Variants in METTL25 observed in about 807,000 individuals in gnomAD.
METTL25 encodes the protein probable methyltransferase-like protein 25.
In METTL25, 64 loss-of-function variants were observed where a neutral mutation model predicts 71.6. The ratio of observed to expected loss-of-function variants is 0.89; its 90% confidence interval spans 0.73 to 1.10. METTL25 has a LOEUF of 1.10. METTL25 is among the 50% of genes least tolerant of loss of function. The probability of loss-of-function intolerance (pLI) is 0.00; values close to 1 mark genes in which losing one functional copy is unlikely to be tolerated. For missense variants in METTL25, 807 were observed against 707.0 expected, an observed-to-expected ratio of 1.14 and a Z score of -1.60; for synonymous variants, 287 against 250.3, an observed-to-expected ratio of 1.15 and a Z score of -1.38.
intron 5 of METTL25, among the ~76,000 whole-genome samples, chr12:82,423,397 T>G (rs970892704): frequency 1.3e-5 from 2 of 152,116 alleles, no homozygotes; most frequent in African/African-American, 4.8e-5. Flanking sequence ...TAATTCAAGA[T>G]GGATTAAAGA....
At chr12:82,443,849 GC>G (rs1165176261) in intron 8 of METTL25, among the ~76,000 whole-genome samples, 22 of 152,062 alleles carry the variant, frequency 1.4e-4, no homozygotes, top group African/African-American at 5.1e-4. Context: ...ACCCAGGAGG[GC>G]AATAACTTAT....
chr12:82,475,689 G>A (rs1229079712), intron 9 of METTL25, among the ~76,000 whole-genome samples: 1 of 151,932 alleles, frequency 6.6e-6, no homozygotes, highest in African/African-American at 2.4e-5. Context: ...CCAGGGGAGG[G>A]CTGCTTTTTT....
Position 82,416,616 on chromosome 12 carries a change from TTTTTG to T in METTL25, c.1279+13511_1279+13515del, listed in dbSNP as rs200482325. ...ACACCACACCTGGTCAATTTTTGCT[TTTTTG>T]TTTTGTTTTGTTTTGTTTTGTTTTT... On this transcript the variant is annotated intron_variant, in intron 5 of 11. Coordinates refer to ENST00000248306, the MANE Select transcript of METTL25 (RefSeq NM_032230.3). Among the ~76,000 whole-genome samples the T allele has an allele frequency of 2.2e-4, 33 of 151,448 alleles. 1 individual carries two copies. Among genetic ancestry groups the T allele is most frequent in the Admixed American group, 5.9e-4 (9 of 15,174 alleles).
intron 1 of METTL25, among the ~76,000 whole-genome samples, chr12:82,360,841 C>T (rs572361828): frequency 2.0e-5 from 3 of 152,250 alleles, no homozygotes; most frequent in Non-Finnish European, 2.9e-5. Context: ...TTAAAGGCGG[C>T]GTGTCCAGAG....
At chr12:82,456,971 T>C in intron 9 of METTL25, 151 bp downstream of exon 9, 2 of 401,454 alleles carry the variant, frequency 5.0e-6, no homozygotes, top group Non-Finnish European at 8.8e-6. Context: ...CATCATCTTT[T>C]TTCCAGTTTA....
intron 1 of METTL25, among the ~76,000 whole-genome samples, chr12:82,374,540 T>G (rs1883613497): frequency 6.6e-6 from 1 of 152,066 alleles, no homozygotes; most frequent in South Asian, 2.1e-4. Flanking sequence ...TTACAATCCT[T>G]TAGCTAGACA....
intron 3 of METTL25, among the ~76,000 whole-genome samples, chr12:82,395,544 C>T (rs1214876913): frequency 6.6e-6 from 1 of 152,034 alleles, no homozygotes; most frequent in African/African-American, 2.4e-5. Flanking sequence ...AGGTATGTTA[C>T]AAATTTGAGA....
chr12:82,375,682 A>T (rs976053556), intron 1 of METTL25, among the ~76,000 whole-genome samples: 4 of 152,216 alleles, frequency 2.6e-5, no homozygotes, highest in Non-Finnish European at 4.4e-5. Context: ...TCCAGAAGTG[A>T]TTGAAATGAA....
At chr12:82,441,513 A>G (rs1890324035) in intron 8 of METTL25, among the ~76,000 whole-genome samples, 1 of 151,934 alleles carries the variant, frequency 6.6e-6, no homozygotes, top group East Asian at 1.9e-4. Flanking sequence ...GTACAACTAA[A>G]TCCCCGAACA....
intron 5 of METTL25, among the ~76,000 whole-genome samples, chr12:82,425,540 T>A (rs1888943882): frequency 6.6e-6 from 1 of 152,088 alleles, no homozygotes; most frequent in Non-Finnish European, 1.5e-5. Context: ...TCCGGAAATC[T>A]ACAGTATTTT....
chr12:82,429,461 A>G (rs1355530669), intron 5 of METTL25, among the ~76,000 whole-genome samples: 1 of 151,206 alleles, frequency 6.6e-6, no homozygotes. Flanking sequence ...GTTGATGGAT[A>G]CTTAGGATAA....
intron 9 of METTL25, among the ~76,000 whole-genome samples, chr12:82,461,301 A>C (rs1448346403): frequency 6.6e-6 from 1 of 152,224 alleles, no homozygotes; most frequent in Non-Finnish European, 1.5e-5. Context: ...AACGTTTATC[A>C]AACCTTTGCT....
Position 82,402,969 on chromosome 12 carries a change from C to T in METTL25, c.1132-14C>T, listed in dbSNP as rs1350112633. Reference sequence around the variant, plus strand: ...TTAATTACCAAATTTTATTTTTCTTCTTGTATTTTAAAGGATTGTTTGATG... The same window carrying T: ...TTAATTACCAAATTTTATTTTTCTTTTTGTATTTTAAAGGATTGTTTGATG... On this transcript the variant is annotated splice_polypyrimidine_tract_variant and intron_variant, in intron 4 of 11. Transcript: ENST00000248306. 6.4e-7 allele frequency: 1 copy of T among 1,559,896 alleles called. No homozygotes were observed. Among genetic ancestry groups the T allele is most frequent in the East Asian group, 2.3e-5 (1 of 44,058 alleles).
intron 5 of METTL25, among the ~76,000 whole-genome samples, chr12:82,426,111 A>G (rs1182853067): frequency 6.6e-6 from 1 of 152,106 alleles, no homozygotes; most frequent in African/African-American, 2.4e-5. Flanking sequence ...GATTCAGGTC[A>G]TATGAGGGAG....
intron 8 of METTL25, among the ~76,000 whole-genome samples, chr12:82,447,986 A>G (rs2642019): frequency 0.92 from 139,751 of 152,104 alleles, 64,602 homozygotes; most frequent in East Asian, 1. Context: ...GATCAGGACT[A>G]AATTCACAGT....
chr12:82,361,251 C>T (rs1047304137), intron 1 of METTL25, among the ~76,000 whole-genome samples: 1 of 152,162 alleles, frequency 6.6e-6, no homozygotes, highest in Non-Finnish European at 1.5e-5. Flanking sequence ...ATTTACAAAC[C>T]TTGAGCTAGA....
chr12:82,442,082 C>T (rs1890389355), intron 8 of METTL25, among the ~76,000 whole-genome samples: 1 of 152,056 alleles, frequency 6.6e-6, no homozygotes, highest in South Asian at 2.1e-4. Context: ...TATGACACCC[C>T]TCGTTTCCCC....
At chr12:82,363,341 C>G (rs1882178408) in intron 1 of METTL25, among the ~76,000 whole-genome samples, 1 of 152,028 alleles carries the variant, frequency 6.6e-6, no homozygotes, top group South Asian at 2.1e-4. Flanking sequence ...TATCAGAAGC[C>G]TTATTGAATT....
intron 8 of METTL25, among the ~76,000 whole-genome samples, chr12:82,441,655 T>A (rs1332445804): frequency 2.0e-5 from 3 of 150,242 alleles, no homozygotes; most frequent in African/African-American, 7.3e-5. Context: ...AGCCCAGGAT[T>A]GGAGTTGAAA....
Sources: gnomAD v4.1 joint callset for allele counts (sites outside exome capture counted in the v4.1 genomes callset) on GRCh38, gnomAD v4.1.1 for gene constraint, MANE v1.5 for transcripts, NCBI Gene and HGNC (gene_info 2026-07-23, HGNC 2026-07-21) for gene names.